Variants in PCNX2 observed in about 807,000 individuals in gnomAD.
PCNX2 encodes the protein pecanex-like protein 2.
In PCNX2, 168 loss-of-function variants were observed where a neutral mutation model predicts 223.8. The observed-to-expected ratio is 0.75, with a 90% CI of 0.66 to 0.85. The LOEUF is 0.85. PCNX2 is among the 40% of genes least tolerant of loss of function. PCNX2 has a pLI of 0.00. For synonymous variants in PCNX2, 1,006 were observed against 1,052.6 expected, an observed-to-expected ratio of 0.96 and a Z score of 0.86; for missense variants, 2,507 against 2,675.5, an observed-to-expected ratio of 0.94 and a Z score of 1.39.
chr1:233,117,941 C>T (rs1303229829), intron 21 of PCNX2, among the ~76,000 whole-genome samples: 1 of 147,664 alleles, frequency 6.8e-6, no homozygotes, highest in Non-Finnish European at 1.5e-5. Context: ...ACCCGGGAGG[C>T]GGAGCTTGCA....
chr1:233,315,654 T>C, the PCNX2 span, among the ~76,000 whole-genome samples: 3 of 152,136 alleles, frequency 2.0e-5, no homozygotes, highest in Non-Finnish European at 4.4e-5. Context: ...ACAAATAAGA[T>C]ATAAGTCACT....
At chr1:233,060,047 T>A (rs1672347132) in intron 23 of PCNX2, among the ~76,000 whole-genome samples, 1 of 152,242 alleles carries the variant, frequency 6.6e-6, no homozygotes, top group South Asian at 2.1e-4. Flanking sequence ...CCTGTTGAGT[T>A]CTGTGATGCT....
In PCNX2 at chr1:233,090,185, C is replaced by T; in HGVS notation, c.3952G>A (p.Ala1318Thr). ...FAQLFAIPHSAMLFFQTIATS... is the reference protein window; with the variant it reads ...FAQLFAIPHSTMLFFQTIATS... ...GCAATCGTCTGAAAGAAAAGCATGGCAGAATCTGAGAATGTTGAGTTAAGG... is the reference window on the plus strand; with the variant it reads ...GCAATCGTCTGAAAGAAAAGCATGGTAGAATCTGAGAATGTTGAGTTAAGG... The change falls in exon 23 of 34, where the codon GCC (alanine) becomes ACC (threonine). Residue 1318 changes from alanine to threonine, a missense_variant. Physicochemically the swap from Ala to Thr is moderately conservative, Grantham distance 58 (BLOSUM62 0). Around this residue, in one of 3 missense-constraint regions of PCNX2, gnomAD observed 1,372 missense variants for 1,509.4 expected, o/e 0.91. Coordinates refer to ENST00000258229, the MANE Select transcript of PCNX2 (RefSeq NM_014801.4). 6.2e-7 allele frequency: 1 copy of T among 1,611,546 alleles called. No homozygotes were observed. The highest frequency in any genetic ancestry group is 8.5e-7 in the Non-Finnish European group (1 of 1,179,116).
intron 23 of PCNX2, 76 bp downstream of exon 23, chr1:233,089,985 T>C (rs1246846012): frequency 1.3e-6 from 2 of 1,598,678 alleles, no homozygotes; most frequent in Non-Finnish European, 1.7e-6. Flanking sequence ...AGGGACCTCC[T>C]AACAGAGGAA....
intron 1 of PCNX2, among the ~76,000 whole-genome samples, chr1:233,271,563 A>T (rs749362876): frequency 2.0e-5 from 3 of 152,210 alleles, no homozygotes; most frequent in Non-Finnish European, 2.9e-5. Flanking sequence ...GTTAATTTTA[A>T]GCAACATTCT....
chr1:233,258,356 G>A lies in PCNX2; in HGVS notation c.1506C>T (p.Ser502=), dbSNP rs368875399. 6.6e-5 allele frequency: 107 copies of A among 1,613,950 alleles called. No individual in the cohort carries two copies. Among genetic ancestry groups the A allele is most frequent in the South Asian group, 1.2e-4 (11 of 91,086 alleles). The part of the protein sequence containing the change: ...SVSRLTPDTG[S]ESKVGKEGQT... The stretch of plus-strand genomic sequence containing the variant: ...GGCCTTCCTTCCCCACCTTAGACTC[G>A]GAGCCTGTATCAGGTGTAAGCCGGG... Residue 502 remains serine (S), a synonymous_variant, in exon 5 of 34, where the codon TCC becomes TCT. Transcript: ENST00000258229.
chr1:233,079,431 G>T (rs902003588), intron 23 of PCNX2, among the ~76,000 whole-genome samples: 1 of 151,452 alleles, frequency 6.6e-6, no homozygotes, highest in Non-Finnish European at 1.5e-5. Flanking sequence ...AGGCTGAGGC[G>T]GGAGAATCAC....
chr1:233,130,495 G>GTA (rs1234441520), intron 21 of PCNX2, among the ~76,000 whole-genome samples: 1 of 148,428 alleles, frequency 6.7e-6, no homozygotes, highest in Non-Finnish European at 1.5e-5. Context: ...GTGTGTGTGT[G>GTA]TGTGTGTGTG....
At chr1:233,014,171 G>A (rs1320888944) in intron 28 of PCNX2, among the ~76,000 whole-genome samples, 1 of 152,186 alleles carries the variant, frequency 6.6e-6, no homozygotes, top group African/African-American at 2.4e-5. Context: ...ACTGAGGGGA[G>A]AGACCCAGTA....
intron 10 of PCNX2, among the ~76,000 whole-genome samples, chr1:233,221,502 C>T (rs559022871): frequency 6.6e-6 from 1 of 152,322 alleles, no homozygotes; most frequent in African/African-American, 2.4e-5. Flanking sequence ...TCCCAATCCT[C>T]TCTCCCTCAG....
chr1:232,996,120 C>A (rs1039494918), intron 32 of PCNX2, among the ~76,000 whole-genome samples: 1 of 152,172 alleles, frequency 6.6e-6, no homozygotes, highest in Non-Finnish European at 1.5e-5. Context: ...CCTCAGCCTC[C>A]CAAAGTGCTG....
At chr1:233,039,210 CT>C (rs1671560082) in intron 25 of PCNX2, among the ~76,000 whole-genome samples, 1 of 152,152 alleles carries the variant, frequency 6.6e-6, no homozygotes, top group South Asian at 2.1e-4. Flanking sequence ...TGTTTAATCA[CT>C]TTTTTTCTTT....
rs1329396911 is a variant in PCNX2, at chr1:232,990,158, C to G, written c.5792-3618G>C. On this transcript the variant is annotated intron_variant, in intron 32 of 33. Transcript: ENST00000258229. The surrounding 1 kb of genome is among the most constrained non-coding windows in gnomAD (Gnocchi z 4.3). ...AATCAAATCCAGTTATCCTCACATC[C>G]CTGAAGGGAATGATGGCCTGCTGGG... Among the ~76,000 whole-genome samples the G allele has an allele frequency of 6.6e-6, 1 of 152,168 alleles. No individual in the cohort carries two copies. The highest frequency in any genetic ancestry group is 1.9e-4 in the East Asian group (1 of 5,176).
chr1:233,273,183 A>C (rs1660735732), intron 1 of PCNX2, among the ~76,000 whole-genome samples: 1 of 149,018 alleles, frequency 6.7e-6, no homozygotes, highest in Admixed American at 6.7e-5. Flanking sequence ...AGAGGATATA[A>C]AAAAATAATA....
chr1:233,231,497 A>G (rs1256676811), intron 9 of PCNX2: 1 of 353,884 alleles, frequency 2.8e-6, no homozygotes, highest in Non-Finnish European at 4.0e-6. Context: ...GATCAGCTCT[A>G]TAGAACCTCC....
At chr1:233,287,533 T>G (rs1661515025) in intron 1 of PCNX2, among the ~76,000 whole-genome samples, 1 of 152,244 alleles carries the variant, frequency 6.6e-6, no homozygotes, top group Non-Finnish European at 1.5e-5. Context: ...CAAGCTCTCT[T>G]GTCTACCACC....
intron 22 of PCNX2, among the ~76,000 whole-genome samples, chr1:233,092,838 A>G (rs1434191286): frequency 1.3e-5 from 2 of 152,148 alleles, no homozygotes; most frequent in Admixed American, 6.5e-5. Context: ...TCGCTCTGTC[A>G]CCCAGGCTAG....
rs770855178 is a variant in PCNX2, at chr1:233,246,094, A to T, written c.2222+4645T>A. On this transcript the variant is annotated intron_variant, in intron 8 of 33. Transcript: ENST00000258229. Reference sequence around the variant, plus strand: ...ACATAGCAGCAGCCCTTCAGATAGGATAAATGTCCTTCAGATGGGATGAAT... The same window carrying T: ...ACATAGCAGCAGCCCTTCAGATAGGTTAAATGTCCTTCAGATGGGATGAAT... Among the ~76,000 whole-genome samples the T allele has an allele frequency of 2.1e-4, 32 of 152,332 alleles. 1 individual carries two copies. The highest frequency in any genetic ancestry group is 3.9e-4 in the East Asian group (2 of 5,188).
the PCNX2 span, among the ~76,000 whole-genome samples, chr1:233,325,501 A>AG: frequency 1.3e-5 from 1 of 76,912 alleles, no homozygotes; most frequent in Non-Finnish European, 2.8e-5. Context: ...TACTAAAAAT[A>AG]CAAAAAAAAA....
Sources: allele counts gnomAD v4.1 joint callset (sites outside exome capture counted in the v4.1 genomes callset), GRCh38; gene constraint gnomAD v4.1.1; regional missense constraint gnomAD v4.1.1; non-coding constraint Gnocchi (gnomAD v3.1); transcripts MANE v1.5; gene names NCBI Gene and HGNC (gene_info 2026-07-23, HGNC 2026-07-21).